The following GNAQ variants were observed in gnomAD, a reference collection of about 807,000 sequenced individuals.
GNAQ encodes guanine nucleotide-binding protein G(q) subunit alpha.
Under a neutral mutation model 43.9 loss-of-function variants are expected in GNAQ, and 8 were observed. The ratio of observed to expected loss-of-function variants is 0.18; its 90% CI spans 0.11 to 0.33. The LOEUF (loss-of-function observed/expected upper bound fraction) is 0.33, where lower values mean the gene tolerates loss of function less well. Ranked by LOEUF, GNAQ falls within the 10% of genes least tolerant of loss-of-function variation. GNAQ has a pLI of 1.00. For synonymous variants in GNAQ, 155 were observed against 170.7 expected (o/e 0.91, Z 0.71); for missense variants, 158 against 450.8 (o/e 0.35, Z 5.88).
chr9:78,003,284 C>A (rs567073617), intron 1 of GNAQ, among the ~76,000 whole-genome samples: 1 of 152,254 alleles, frequency 6.6e-6, no homozygotes, highest in African/African-American at 2.4e-5. Flanking sequence ...TAGCTATCTC[C>A]AAAGTTTCTC....
At chr9:77,926,927 C>T (rs895011429) in intron 1 of GNAQ, among the ~76,000 whole-genome samples, 17 of 152,138 alleles carry the variant, frequency 1.1e-4, no homozygotes, top group Admixed American at 6.5e-4. Context: ...CTTCCCTATT[C>T]GCTAGATCAG....
At chr9:77,924,393 C>T (rs143583003) in intron 1 of GNAQ, among the ~76,000 whole-genome samples, 6 of 152,150 alleles carry the variant, frequency 3.9e-5, no homozygotes, top group East Asian at 1.9e-4. Context: ...TTTATTATCA[C>T]GATCCCAGAG....
At chr9:77,913,804 C>T (rs957964349) in intron 2 of GNAQ, among the ~76,000 whole-genome samples, 4 of 152,068 alleles carry the variant, frequency 2.6e-5, no homozygotes, top group Non-Finnish European at 2.9e-5. Context: ...GTTATATTGA[C>T]CCAGATCAAA....
At chr9:77,801,482 T>G (rs1335927650) in intron 3 of GNAQ, among the ~76,000 whole-genome samples, 2 of 152,170 alleles carry the variant, frequency 1.3e-5, no homozygotes, top group Non-Finnish European at 2.9e-5. Context: ...ATCAACACAG[T>G]TCACAGCAAT....
chr9:77,832,546 T>C (rs1459089287), intron 2 of GNAQ, among the ~76,000 whole-genome samples: 3 of 152,188 alleles, frequency 2.0e-5, no homozygotes, highest in East Asian at 1.9e-4. Context: ...AAATTGTGTA[T>C]TTAGAAAAGC....
At chr9:77,763,125 TAAACAAAC>T (rs533634291) in intron 5 of GNAQ, among the ~76,000 whole-genome samples, 4 of 133,916 alleles carry the variant, frequency 3.0e-5, no homozygotes, top group Admixed American at 7.2e-5. Context: ...AACAAAAAAA[TAAACAAAC>T]AAACAAACAA....
intron 5 of GNAQ, among the ~76,000 whole-genome samples, chr9:77,753,495 T>C (rs948701570): frequency 2.0e-5 from 3 of 152,242 alleles, no homozygotes; most frequent in African/African-American, 7.2e-5. Flanking sequence ...TTTGGAATGA[T>C]GAAGAGTAAG....
At chr9:77,991,136 A>G (rs1277320879) in intron 1 of GNAQ, among the ~76,000 whole-genome samples, 3 of 152,384 alleles carry the variant, frequency 2.0e-5, no homozygotes, top group East Asian at 1.9e-4. Flanking sequence ...CAGTTTGAGC[A>G]TATTTGCCAT....
At chr9:77,809,184 C>G (rs1402442015) in intron 3 of GNAQ, among the ~76,000 whole-genome samples, 1 of 152,184 alleles carries the variant, frequency 6.6e-6, no homozygotes, top group Admixed American at 6.5e-5. Context: ...AGCCAATCTA[C>G]TCATGTTCTT....
At chr9:77,912,883 C>T (rs2118222545) in intron 2 of GNAQ, among the ~76,000 whole-genome samples, 1 of 152,282 alleles carries the variant, frequency 6.6e-6, no homozygotes, top group East Asian at 1.9e-4. Flanking sequence ...TGAGGTGGTA[C>T]ACCCCTGTAA....
intron 5 of GNAQ, among the ~76,000 whole-genome samples, chr9:77,758,004 C>T (rs991122664): frequency 6.6e-6 from 1 of 152,162 alleles, no homozygotes; most frequent in African/African-American, 2.4e-5. Context: ...ATCAGTCATC[C>T]CAACTATTAA....
chr9:77,727,001 GT>G (rs1825406288), intron 6 of GNAQ, among the ~76,000 whole-genome samples: 1 of 152,160 alleles, frequency 6.6e-6, no homozygotes, highest in African/African-American at 2.4e-5. Context: ...ATGAATGGGT[GT>G]GGCTATGTCT....
At chr9:77,751,540 A>G (rs1297900883) in intron 5 of GNAQ, among the ~76,000 whole-genome samples, 1 of 152,222 alleles carries the variant, frequency 6.6e-6, no homozygotes, top group East Asian at 1.9e-4. Flanking sequence ...AAGTGCGGTT[A>G]GCCTAGAAGC....
At chr9:77,953,485 T>C (rs1823006965) in intron 1 of GNAQ, among the ~76,000 whole-genome samples, 1 of 152,190 alleles carries the variant, frequency 6.6e-6, no homozygotes, top group African/African-American at 2.4e-5. Context: ...TGTTTTCCCC[T>C]TGGACCTTTC....
intron 5 of GNAQ, among the ~76,000 whole-genome samples, chr9:77,760,782 C>A (rs1320047708): frequency 4.0e-5 from 6 of 151,884 alleles, no homozygotes; most frequent in Non-Finnish European, 2.9e-5. Context: ...TCCCGGCCGC[C>A]ATCCCATCTA....
At chr9:78,022,826 T>C (rs932090244) in intron 1 of GNAQ, among the ~76,000 whole-genome samples, 4 of 152,188 alleles carry the variant, frequency 2.6e-5, no homozygotes, top group African/African-American at 7.2e-5. Context: ...TCAATTCACA[T>C]GGCAAGAAAA....
At chr9:77,773,434 A>AT (rs1223946549) in intron 5 of GNAQ, among the ~76,000 whole-genome samples, 1 of 152,226 alleles carries the variant, frequency 6.6e-6, no homozygotes, top group African/African-American at 2.4e-5. Flanking sequence ...ATCTATTTTA[A>AT]TAATCCTCAC....
At chr9:77,896,885 T>C (rs1280314321) in intron 2 of GNAQ, among the ~76,000 whole-genome samples, 1 of 152,250 alleles carries the variant, frequency 6.6e-6, no homozygotes. Flanking sequence ...CTTATTTCTG[T>C]TCCTTCACTA....
chr9:77,738,807 TTAAA>T (rs1179274910), intron 5 of GNAQ, among the ~76,000 whole-genome samples: 3 of 152,192 alleles, frequency 2.0e-5, no homozygotes, highest in African/African-American at 7.2e-5. Context: ...TAGTGCAGTT[TTAAA>T]GGACTGTGAA....
Sources: gnomAD v4.1 joint callset for allele counts (sites outside exome capture counted in the v4.1 genomes callset) on GRCh38, gnomAD v4.1.1 for gene constraint, MANE v1.5 for transcripts, NCBI Gene and HGNC (gene_info 2026-07-23, HGNC 2026-07-21) for gene names.